Variants in NPHS1 observed in about 807,000 individuals in gnomAD.
The protein encoded by NPHS1 is NPHS1 adhesion molecule, nephrin, also known as nephrin.
Under a neutral mutation model 139.7 loss-of-function variants are expected in NPHS1, and 107 were observed. The ratio of observed to expected loss-of-function variants is 0.77; its 90% CI spans 0.66 to 0.90. NPHS1 has a LOEUF of 0.90. Ranked by LOEUF, NPHS1 falls within the 40% of genes least tolerant of loss-of-function variation. The pLI, the probability that NPHS1 is intolerant of heterozygous loss-of-function variation, is 0.00. For synonymous variants in NPHS1, 707 were observed against 706.6 expected (o/e 1.00, Z -0.01); for missense variants, 1,580 against 1,654.2 (o/e 0.96, Z 0.78).
At position 35,845,233 on chromosome 19, in the gene NPHS1, G is replaced by T; in HGVS notation, c.1930+135C>A. 1.0e-6 allele frequency: 1 copy of T among 988,444 alleles called. No individual in the cohort carries two copies. Among genetic ancestry groups the T allele is most frequent in the Non-Finnish European group, 1.6e-6 (1 of 638,860 alleles). 61.2% of individuals were successfully genotyped at this position (988,444 alleles called of 1,614,324 possible). On this transcript the variant is annotated intron_variant, in intron 14 of 28. Coordinates refer to ENST00000378910, the MANE Select transcript of NPHS1 (RefSeq NM_004646.4). This position sits in a 1 kb window ranked among gnomAD's most constrained non-coding sequence, Gnocchi z 5.5. Reference sequence around the variant, plus strand: ...TGCAGTGACCTATGATTGCGTCACTGCATTGCAGCCTGAGCGACAAAAAAT... The same window carrying T: ...TGCAGTGACCTATGATTGCGTCACTTCATTGCAGCCTGAGCGACAAAAAAT...
chr19:35,839,371 G>A lies in NPHS1; in HGVS notation c.2975C>T (p.Pro992Leu). The A allele has an allele frequency of 6.2e-7, 1 of 1,614,136 alleles. No individual in the cohort carries two copies. The highest frequency in any genetic ancestry group is 8.5e-7 in the Non-Finnish European group (1 of 1,180,004). The stretch of plus-strand genomic sequence containing the variant: ...CAGCGTGAAGGTGGTGGCCTGGGGT[G>A]GTACGACATCCACATAGTGGAACCC... ...TPGFHYVDVVPPQATTFTLTG... is the reference protein window; with the variant it reads ...TPGFHYVDVVLPQATTFTLTG... The change falls in exon 22 of 29, where the codon CCA becomes CTA. Residue 992 changes from proline (P) to leucine (L), a missense_variant. By Grantham distance (98) the Pro-to-Leu change is moderately conservative. Coordinates refer to ENST00000378910, the MANE Select transcript of NPHS1 (RefSeq NM_004646.4).
rs1191374913 is a variant in NPHS1 at position 35,849,332 on chromosome 19, T to C, written c.744A>G (p.Pro248=). Residue 248 remains proline (P), a synonymous_variant, in exon 7 of 29, where the codon CCA becomes CCG. Coordinates refer to ENST00000378910, the MANE Select transcript of NPHS1 (RefSeq NM_004646.4). Reference sequence around the variant, plus strand: ...CCCGCACGTGCCCCTCATCCAGGCCTGGCCACTCGATGACAGGGGGTCCTG... The same window carrying C: ...CCCGCACGTGCCCCTCATCCAGGCCCGGCCACTCGATGACAGGGGGTCCTG... The part of the protein sequence containing the change: ...FPPGPPVIEW[P]GLDEGHVRAG... 1.9e-6 allele frequency: 3 copies of C among 1,612,778 alleles called. No homozygotes were observed. Among genetic ancestry groups the C allele is most frequent in the Admixed American group, 3.3e-5 (2 of 60,016 alleles).
Position 35,839,564 on chromosome 19 carries a change from G to A in NPHS1, c.2859C>T (p.Thr953=), listed in dbSNP as rs1470287080. The stretch of plus-strand genomic sequence containing the variant: ...TCCACTCCAGCCCCACGGAGTGTGG[G>A]GTCAGACTCACAACCTTTAATCCTG... ...PPSGLKVVSL[T]PHSVGLEWKP... is the part of the protein sequence containing the mutation. Residue 953 remains threonine (T), a synonymous_variant, in exon 21 of 29, where the codon ACC becomes ACT. Transcript: ENST00000378910. 6.2e-7 allele frequency: 1 copy of A among 1,614,126 alleles called. No homozygotes were observed. Among genetic ancestry groups the A allele is most frequent in the South Asian group, 1.1e-5 (1 of 91,068 alleles).
rs745681513 is a variant in NPHS1 at position 35,848,327 on chromosome 19, G to A, written c.1241C>T (p.Thr414Ile). ...FLARREDNGL[T>I]LTCEAFSEAF... ...TTCACTGAAGGCCTCACATGTGAGG[G>A]TCAGACCGTTGTCCTCCCGCCGCGC... The change falls in exon 10 of 29, where the codon ACC (threonine) becomes ATC (isoleucine). Residue 414 changes from threonine to isoleucine, a missense_variant. By Grantham distance (89) the Thr-to-Ile change is moderately conservative. Coordinates refer to ENST00000378910, the MANE Select transcript of NPHS1 (RefSeq NM_004646.4). 1.2e-5 allele frequency: 20 copies of A among 1,613,986 alleles called. No individual in the cohort carries two copies. In the African/African-American group the frequency reaches 1.5e-4, roughly 12 times the overall value.
chr19:35,829,641 C>T (rs1023146631), intron 28 of NPHS1, among the ~76,000 whole-genome samples: 17 of 151,716 alleles, frequency 1.1e-4, no homozygotes, highest in Admixed American at 9.2e-4. Context: ...TGGGTTCAAG[C>T]GATTCTCCTG....
chr19:35,837,707 A>T (rs1265821964), intron 22 of NPHS1, among the ~76,000 whole-genome samples: 2 of 151,798 alleles, frequency 1.3e-5, no homozygotes, highest in Admixed American at 1.3e-4. Flanking sequence ...GGTTCAAGTG[A>T]TTCTCTTGCC....
intron 11 of NPHS1, 41 bp downstream of exon 11, chr19:35,848,000 C>T (rs746375539): frequency 7.5e-6 from 12 of 1,608,346 alleles, no homozygotes; most frequent in South Asian, 1.1e-5. Context: ...GTCCTTCCCC[C>T]ACATTCCTGG....
intron 20 of NPHS1, 41 bp from the exon 21 acceptor site, chr19:35,839,648 A>G: frequency 6.7e-7 from 1 of 1,485,994 alleles, no homozygotes; most frequent in Non-Finnish European, 9.4e-7. Context: ...AGGATACAAA[A>G]GAATTCCAGA....
In NPHS1 at chr19:35,845,610, G is replaced by A; in HGVS notation, c.1757+59C>T. On this transcript the variant is annotated intron_variant, in intron 13 of 28. Coordinates refer to ENST00000378910, the MANE Select transcript of NPHS1 (RefSeq NM_004646.4). This position sits in a 1 kb window ranked among gnomAD's most constrained non-coding sequence, Gnocchi z 5.5. Reference sequence around the variant, plus strand: ...CTGGAGAGGCACTAGGCGGGGGCGGGACATGCGTGGAGGGGGCGAGGCCAG... The same window carrying A: ...CTGGAGAGGCACTAGGCGGGGGCGGAACATGCGTGGAGGGGGCGAGGCCAG... 6.2e-7 allele frequency: 1 copy of A among 1,605,842 alleles called. No individual in the cohort carries two copies. The highest frequency in any genetic ancestry group is 8.5e-7 in the Non-Finnish European group (1 of 1,175,600).
At chr19:35,831,201 G>T in intron 26 of NPHS1, 55 bp from the exon 27 acceptor site, 1 of 1,609,238 alleles carries the variant, frequency 6.2e-7, no homozygotes, top group Non-Finnish European at 8.5e-7. Context: ...ACCCCACTGT[G>T]CCCGGAAGGG....
At chr19:35,850,497 T>C in intron 4 of NPHS1, 52 bp from the exon 5 acceptor site, 1 of 1,505,476 alleles carries the variant, frequency 6.6e-7, no homozygotes, top group Non-Finnish European at 9.2e-7. Context: ...CAAGATAGAT[T>C]CTGGGGAGCA....
Position 35,844,366 on chromosome 19 carries a change from G to A in NPHS1, c.2024C>T (p.Ala675Val), listed in dbSNP as rs561195137. Residue 675 changes from alanine to valine, a missense_variant, in exon 15 of 29, where the codon GCC (alanine) becomes GTC (valine). Coordinates refer to ENST00000378910, the MANE Select transcript of NPHS1 (RefSeq NM_004646.4). Reference protein sequence around the residue: ...LLPVSVSANPAPEAFNWTFRG... With the variant: ...LLPVSVSANPVPEAFNWTFRG... ...GAAGGTCCAGTTGAAGGCCTCGGGG[G>A]CGGGGTTAGCGGACACGGACACGGG... 3 of 1,613,356 alleles carry A rather than the reference G, an allele frequency of 1.9e-6. No individual in the cohort carries two copies. The highest frequency in any genetic ancestry group is 2.7e-5 in the African/African-American group (2 of 74,936).
At chr19:35,841,092 A>G (rs953323045) in intron 20 of NPHS1, among the ~76,000 whole-genome samples, 1 of 151,886 alleles carries the variant, frequency 6.6e-6, no homozygotes, top group African/African-American at 2.4e-5. Flanking sequence ...ATGCAGACGT[A>G]AGAATGAAGA....
rs140404523 is a variant in NPHS1 at position 35,851,894 on chromosome 19, C to A, written c.-57G>T. On this transcript the variant is annotated 5_prime_UTR_variant, in exon 1 of 29. Transcript: ENST00000378910. ...CCCGCTGCCAGCCACCTGCGTCTGT[C>A]TGGCTTTCTCTGGGTCCCTCTCTGT... 5.9e-3 allele frequency: 8,611 copies of A among 1,455,906 alleles called. 36 individuals carry two copies. Among genetic ancestry groups the A allele is most frequent in the Non-Finnish European group, 6.8e-3 (7,206 of 1,061,410 alleles). The allele number at this position is 1,455,906 out of a possible 1,614,324, so 90.2% of individuals were successfully genotyped here.
intron 24 of NPHS1, 23 bp from the exon 25 acceptor site, chr19:35,831,523 G>T: frequency 6.2e-7 from 1 of 1,613,844 alleles, no homozygotes. Flanking sequence ...GGAATAAAGG[G>T]CTCAGTGACC....
At chr19:35,828,773 C>T (rs1191301992) in intron 28 of NPHS1, among the ~76,000 whole-genome samples, 3 of 152,178 alleles carry the variant, frequency 2.0e-5, no homozygotes, top group Non-Finnish European at 4.4e-5. Context: ...ATGTCCCACA[C>T]AGCCCAAAGC....
At chr19:35,839,667 TC>T in intron 20 of NPHS1, 60 bp from the exon 21 acceptor site, 1 of 1,342,882 alleles carries the variant, frequency 7.4e-7, no homozygotes, top group Non-Finnish European at 1.1e-6. Context: ...GAAGATTCTG[TC>T]CAGGTTTTCC....
intron 18 of NPHS1, 24 bp from the exon 19 acceptor site, chr19:35,842,304 A>G (rs2146819562): frequency 6.2e-7 from 1 of 1,612,320 alleles, no homozygotes; most frequent in Middle Eastern, 1.6e-4. Context: ...GGCAGTCAAC[A>G]TGAGCTATGT....
chr19:35,826,134 A>G lies in NPHS1; in HGVS notation c.*380T>C, dbSNP rs1359634893. On this transcript the variant is annotated 3_prime_UTR_variant, in exon 29 of 29. Coordinates refer to ENST00000378910, the MANE Select transcript of NPHS1 (RefSeq NM_004646.4). ...CTAATTTTTTATATTTTTAGTAGAAATGGAGTTTTACCATGTTGGCCAGGC... is the reference window on the plus strand; with the variant it reads ...CTAATTTTTTATATTTTTAGTAGAAGTGGAGTTTTACCATGTTGGCCAGGC... 2.6e-5 allele frequency: 6 copies of G among 230,918 alleles called. No individual in the cohort carries two copies. In the East Asian group the frequency reaches 6.0e-4, roughly 23 times the overall value. The allele number at this position is 230,918 out of a possible 1,614,324, so 14.3% of individuals were successfully genotyped here.
Sources: gnomAD v4.1 joint callset for allele counts (sites outside exome capture counted in the v4.1 genomes callset) on GRCh38, gnomAD v4.1.1 for gene constraint, Gnocchi (gnomAD v3.1) non-coding constraint, MANE v1.5 for transcripts, NCBI Gene and HGNC (gene_info 2026-07-23, HGNC 2026-07-21) for gene names.